Variants in PIK3R2 observed in about 807,000 individuals in gnomAD.
The protein encoded by PIK3R2 is phosphoinositide-3-kinase regulatory subunit 2, also known as phosphatidylinositol 3-kinase regulatory subunit beta.
PIK3R2 carries 40 observed loss-of-function variants against 78.5 expected under a neutral mutation model. The observed-to-expected ratio is 0.51, with a 90% CI of 0.40 to 0.66. The LOEUF is 0.66. PIK3R2 is among the 30% of genes least tolerant of loss of function. PIK3R2 has a pLI of 0.00. For missense variants in PIK3R2, 880 were observed against 1,026.6 expected (o/e 0.86, Z 1.95); for synonymous variants, 473 against 457.7 (o/e 1.03, Z -0.43).
intron 2 of PIK3R2, among the ~76,000 whole-genome samples, chr19:18,160,213 G>A (rs375770076): frequency 2.0e-5 from 3 of 152,188 alleles, no homozygotes; most frequent in South Asian, 2.1e-4. Context: ...TTTATTCAGC[G>A]CACTCCACCT....
chr19:18,169,001 G>A lies in PIK3R2; in HGVS notation c.1980-86G>A, dbSNP rs541842545. 4.6e-5 allele frequency: 71 copies of A among 1,559,028 alleles called. No homozygotes were observed. The South Asian group carries it at 4.8e-4, about 11-fold the overall frequency. ...GAAGGAGTCCCTGGTGGGGTCATCC[G>A]GGACAGGGGAGCACGCGGCCCTGGA... On this transcript the variant is annotated intron_variant, in intron 15 of 15. Transcript: ENST00000222254.
At position 18,166,353 on chromosome 19, in the gene PIK3R2, A is replaced by G. The variant is rs776470055; in HGVS notation, c.1559+51A>G. The G allele has an allele frequency of 1.3e-5, 20 of 1,507,126 alleles. 1 individual carries two copies. In the East Asian group the frequency reaches 4.5e-4, roughly 34 times the overall value. The allele number at this position is 1,507,126 out of a possible 1,614,324, so 93.4% of individuals were successfully genotyped here. On this transcript the variant is annotated intron_variant, in intron 12 of 15. Transcript: ENST00000222254. ...CCACCCCACCCTGATCTGGTGCAGTACAAGCCAGGGAGGGAAGGAAGCAGA... is the reference window on the plus strand; with the variant it reads ...CCACCCCACCCTGATCTGGTGCAGTGCAAGCCAGGGAGGGAAGGAAGCAGA...
In PIK3R2 at chr19:18,155,439, C is replaced by G. The variant is rs2043666703; in HGVS notation, c.-423-18C>G. The G allele has an allele frequency of 2.5e-6, 1 of 401,190 alleles. No homozygotes were observed. The highest frequency in any genetic ancestry group is 4.4e-5 in the Admixed American group (1 of 22,922). The allele number at this position is 401,190 out of a possible 1,614,324, so 24.9% of individuals were successfully genotyped here. A position where few individuals can be genotyped will look rare whatever the true frequency, so the allele number is the denominator to read the frequency against. On this transcript the variant is annotated intron_variant, in intron 1 of 15. Coordinates refer to ENST00000222254, the MANE Select transcript of PIK3R2 (RefSeq NM_005027.4). ...AGGAGTTGGCCTGGCTAACGCTGCCCTATCCCTGTCTCCCTAGGTCGGCGT... is the reference window on the plus strand; with the variant it reads ...AGGAGTTGGCCTGGCTAACGCTGCCGTATCCCTGTCTCCCTAGGTCGGCGT...
At position 18,167,232 on chromosome 19, in the gene PIK3R2, A is replaced by G; in HGVS notation, c.1662A>G (p.Arg554=). Residue 554 remains arginine, a synonymous_variant, in exon 13 of 16, where the codon AGA becomes AGG. Coordinates refer to ENST00000222254, the MANE Select transcript of PIK3R2 (RefSeq NM_005027.4). The surrounding 1 kb of genome is among the most constrained non-coding windows in gnomAD (Gnocchi z 4.5). ...TGCGGGCCCAGGCCTCGGACAACAG[A>G]GAGATCGACAAGCGCATGAACAGCC... is the stretch of plus-strand genomic sequence containing the variant. ...QQLRAQASDN[R]EIDKRMNSLK... 1.2e-6 allele frequency: 2 copies of G among 1,613,046 alleles called. No homozygotes were observed. The highest frequency in any genetic ancestry group is 1.7e-6 in the Non-Finnish European group (2 of 1,179,614).
Position 18,168,945 on chromosome 19 carries a change from C to A in PIK3R2, c.1979+49C>A. 1 of 1,581,088 alleles carries A rather than the reference C, an allele frequency of 6.3e-7. No individual in the cohort carries two copies. Among genetic ancestry groups the A allele is most frequent in the Non-Finnish European group, 8.6e-7 (1 of 1,159,768 alleles). Reference sequence around the variant, plus strand: ...ATTCCCGCGTCCCTCCCAGAGCTCTCATTGAATGCCTGCCGCGTGCCAGGC... The same window carrying A: ...ATTCCCGCGTCCCTCCCAGAGCTCTAATTGAATGCCTGCCGCGTGCCAGGC... On this transcript the variant is annotated intron_variant, in intron 15 of 15. Coordinates refer to ENST00000222254, the MANE Select transcript of PIK3R2 (RefSeq NM_005027.4). This position sits in a 1 kb window ranked among gnomAD's most constrained non-coding sequence, Gnocchi z 4.1.
At chr19:18,160,372 G>A in intron 2 of PIK3R2, 99 bp from the exon 3 acceptor site, 1 of 764,978 alleles carries the variant, frequency 1.3e-6, no homozygotes, top group Non-Finnish European at 2.3e-6. Context: ...GCTGGGCCCT[G>A]CCTCAAACTG....
In PIK3R2 at chr19:18,168,712, GC is replaced by G. The variant is rs566994275; in HGVS notation, c.1809-8del. ...AGTGACCAGGGCCCTCCCCGCCACC[GC>G]CCCCCACCCCAGCCAGTACGCACTC... On this transcript the variant is annotated splice_polypyrimidine_tract_variant and intron_variant, in intron 14 of 15. Coordinates refer to ENST00000222254, the MANE Select transcript of PIK3R2 (RefSeq NM_005027.4). The surrounding 1 kb of genome is among the most constrained non-coding windows in gnomAD (Gnocchi z 4.1). 2.2e-6 allele frequency: 2 copies of G among 905,460 alleles called. No individual in the cohort carries two copies. Among genetic ancestry groups the G allele is most frequent in the Non-Finnish European group, 3.4e-6 (2 of 583,832 alleles). The allele number at this position is 905,460 out of a possible 1,614,324, so 56.1% of individuals were successfully genotyped here.
chr19:18,167,458 A>G lies in PIK3R2; in HGVS notation c.1736+152A>G. The G allele has an allele frequency of 1.7e-6, 1 of 575,502 alleles. No homozygotes were observed. Among genetic ancestry groups the G allele is most frequent in the Non-Finnish European group, 2.9e-6 (1 of 350,588 alleles). 35.6% of individuals were successfully genotyped at this position (575,502 alleles called of 1,614,324 possible). ...ACTCGGTTCCTCCCGGGCCCCTTGA[A>G]AGTTTTCCCATAGGTCAGCCTCAGC... On this transcript the variant is annotated intron_variant, in intron 13 of 15. Coordinates refer to ENST00000222254, the MANE Select transcript of PIK3R2 (RefSeq NM_005027.4). This position sits in a 1 kb window ranked among gnomAD's most constrained non-coding sequence, Gnocchi z 4.5.
In PIK3R2 at chr19:18,163,346, C is replaced by T. The variant is rs772432690; in HGVS notation, c.1374C>T (p.Arg458=). Residue 458 remains arginine (R), a synonymous_variant, in exon 11 of 16, where the codon CGC becomes CGT. Coordinates refer to ENST00000222254, the MANE Select transcript of PIK3R2 (RefSeq NM_005027.4). ...ACCAGCAGTACCAGGACAAGAGCCG[C>T]GAGTATGACCAGCTTTATGAAGAGT... ...VYHQQYQDKS[R]EYDQLYEEYT... is the part of the protein sequence containing the mutation. 1 of 1,614,014 alleles carries T rather than the reference C, an allele frequency of 6.2e-7. No homozygotes were observed. Among genetic ancestry groups the T allele is most frequent in the Non-Finnish European group, 8.5e-7 (1 of 1,179,996 alleles).
rs768156555 is a variant in PIK3R2, at chr19:18,167,298, G to C, written c.1728G>C (p.Gln576His). ...DLMQLRKIRD[Q>H]YLVWLTQKGA... ...TGCAGCTGCGCAAGATCCGAGACCA[G>C]TACCTCGTGTAAGTGGCGGCTCCAT... Residue 576 changes from glutamine to histidine, a missense_variant, in exon 13 of 16, where the codon CAG becomes CAC. Around this residue, in one of 3 missense-constraint regions of PIK3R2, gnomAD observed 268 missense variants for 299.1 expected, o/e 0.90. Coordinates refer to ENST00000222254, the MANE Select transcript of PIK3R2 (RefSeq NM_005027.4). This position sits in a 1 kb window ranked among gnomAD's most constrained non-coding sequence, Gnocchi z 4.5. The C allele has an allele frequency of 1.9e-6, 3 of 1,586,316 alleles. No homozygotes were observed. The highest frequency in any genetic ancestry group is 2.6e-6 in the Non-Finnish European group (3 of 1,167,190).
rs2043745865 is a variant in PIK3R2, at chr19:18,161,489, C to G, written c.809C>G (p.Pro270Arg). Residue 270 changes from proline to arginine, a missense_variant, in exon 6 of 16, where the codon CCC becomes CGC. Around this residue, in one of 3 missense-constraint regions of PIK3R2, gnomAD observed 456 missense variants for 486.6 expected, o/e 0.94. Coordinates refer to ENST00000222254, the MANE Select transcript of PIK3R2 (RefSeq NM_005027.4). This position sits in a 1 kb window ranked among gnomAD's most constrained non-coding sequence, Gnocchi z 5.3. ...PPSSPPPGGAPDGSEPSPDFP... is the reference protein window; with the variant it reads ...PPSSPPPGGARDGSEPSPDFP... The stretch of plus-strand genomic sequence containing the variant: ...TCCTCGCCGCCGCCAGGGGGCGCTC[C>G]CGACGGGTGAGGGGCGGGGCGGAGC... 1 of 1,134,406 alleles carries G rather than the reference C, an allele frequency of 8.8e-7. No homozygotes were observed. Among genetic ancestry groups the G allele is most frequent in the Non-Finnish European group, 1.1e-6 (1 of 909,578 alleles). 70.3% of individuals were successfully genotyped at this position (1,134,406 alleles called of 1,614,324 possible).
chr19:18,161,084 A>T lies in PIK3R2; in HGVS notation c.497A>T (p.Asp166Val), dbSNP rs1442806847. The change falls in exon 5 of 16, where the codon GAC becomes GTC. Residue 166 changes from aspartate (D) to valine (V), a missense_variant. By Grantham distance (152) the Asp-to-Val change is radical. Coordinates refer to ENST00000222254, the MANE Select transcript of PIK3R2 (RefSeq NM_005027.4). The surrounding 1 kb of genome is among the most constrained non-coding windows in gnomAD (Gnocchi z 5.3). Reference sequence around the variant, plus strand: ...TCCCTGAGCGACGTGGATCAGTGGGACACGGCAGCCCTGGCTGACGGCATT... The same window carrying T: ...TCCCTGAGCGACGTGGATCAGTGGGTCACGGCAGCCCTGGCTGACGGCATT... ...DWSLSDVDQW[D>V]TAALADGIKS... 1 of 1,608,856 alleles carries T rather than the reference A, an allele frequency of 6.2e-7. No homozygotes were observed. The highest frequency in any genetic ancestry group is 1.3e-5 in the African/African-American group (1 of 74,878).
chr19:18,162,729 TA>T lies in PIK3R2; in HGVS notation c.1110-227del, dbSNP rs896628490. ...TGAAACCCCGTCTCTACTAAAAAAT[TA>T]AAAAAAAAAATTAGCCAGGCATGGT... is the stretch of plus-strand genomic sequence containing the variant. On this transcript the variant is annotated intron_variant, in intron 9 of 15. Transcript: ENST00000222254. 6.2e-3 allele frequency: 3,068 copies of T among 490,946 alleles called. 12 individuals are homozygous for T. The highest frequency in any genetic ancestry group is 0.015 in the Middle Eastern group (26 of 1,792). 30.4% of individuals were successfully genotyped at this position (490,946 alleles called of 1,614,324 possible). A position where few individuals can be genotyped will look rare whatever the true frequency, so the allele number is the denominator to read the frequency against.
At chr19:18,160,681 T>C (rs2043732521) in intron 3 of PIK3R2, 118 bp downstream of exon 3, 19 of 942,954 alleles carry the variant, frequency 2.0e-5, no homozygotes, top group Non-Finnish European at 2.5e-5. Context: ...TGAGCCTGGA[T>C]GCCCTGGGCC....
intron 2 of PIK3R2, among the ~76,000 whole-genome samples, chr19:18,160,183 G>C (rs1485997410): frequency 6.6e-6 from 1 of 152,198 alleles, no homozygotes; most frequent in East Asian, 1.9e-4. Flanking sequence ...ATGAGGACTT[G>C]GACATATCTT....
rs1265346346 is a variant in PIK3R2 at position 18,169,291 on chromosome 19, C to T, written c.2184C>T (p.Arg728=). The T allele has an allele frequency of 3.2e-5, 48 of 1,485,604 alleles. No individual in the cohort carries two copies. The highest frequency in any genetic ancestry group is 3.9e-5 in the Non-Finnish European group (44 of 1,124,290). The allele number at this position is 1,485,604 out of a possible 1,614,324, so 92.0% of individuals were successfully genotyped here. Residue 728 remains arginine (R), a synonymous_variant, in exon 16 of 16, where the codon CGC becomes CGT. Coordinates refer to ENST00000222254, the MANE Select transcript of PIK3R2 (RefSeq NM_005027.4). ...GCCCCGGCCCGCCGCCTGCCGCCCG[C>T]TGAGCACCGAGGACCCGCCCCAAGC... ...APGPGPPPAA[R]
At chr19:18,160,659 A>G (rs778587281) in intron 3 of PIK3R2, 96 bp downstream of exon 3, 34 of 1,052,228 alleles carry the variant, frequency 3.2e-5, no homozygotes, top group Non-Finnish European at 4.2e-5. Context: ...CTCATGCTGC[A>G]CGGAAACAGG....
At position 18,163,394 on chromosome 19, in the gene PIK3R2, C is replaced by T; in HGVS notation, c.1416+6C>T. The T allele has an allele frequency of 3.1e-6, 5 of 1,613,922 alleles. 2 individuals are homozygous for T. In the South Asian group the frequency reaches 5.5e-5, roughly 18 times the overall value. On this transcript the variant is annotated splice_donor_region_variant and intron_variant, in intron 11 of 15. Coordinates refer to ENST00000222254, the MANE Select transcript of PIK3R2 (RefSeq NM_005027.4). Reference sequence around the variant, plus strand: ...AGTACACACGGACCTCCCAGGTACTCCAGGCCCCGTACATGAGGGAAACCG... The same window carrying T: ...AGTACACACGGACCTCCCAGGTACTTCAGGCCCCGTACATGAGGGAAACCG...
chr19:18,168,940 G>C lies in PIK3R2; in HGVS notation c.1979+44G>C. 1 of 1,589,216 alleles carries C rather than the reference G, an allele frequency of 6.3e-7. No individual in the cohort carries two copies. Among genetic ancestry groups the C allele is most frequent in the Non-Finnish European group, 8.6e-7 (1 of 1,166,014 alleles). The stretch of plus-strand genomic sequence containing the variant: ...TGGGGATTCCCGCGTCCCTCCCAGA[G>C]CTCTCATTGAATGCCTGCCGCGTGC... On this transcript the variant is annotated intron_variant, in intron 15 of 15. Transcript: ENST00000222254. The surrounding 1 kb of genome is among the most constrained non-coding windows in gnomAD (Gnocchi z 4.1).
Sources: gnomAD v4.1 joint callset for allele counts (sites outside exome capture counted in the v4.1 genomes callset) on GRCh38, gnomAD v4.1.1 for gene constraint, gnomAD v4.1.1 regional missense constraint, Gnocchi (gnomAD v3.1) non-coding constraint, MANE v1.5 for transcripts, NCBI Gene and HGNC (gene_info 2026-07-23, HGNC 2026-07-21) for gene names.